The following LRRC40 variants were observed in gnomAD, a reference collection of about 807,000 sequenced individuals.
LRRC40 encodes the protein leucine-rich repeat-containing protein 40.
Under a neutral mutation model 72.8 loss-of-function variants are expected in LRRC40, and 76 were observed. That is an observed-to-expected ratio of 1.04 (90% CI 0.87 to 1.26). The LOEUF is 1.26. LRRC40 is among the 50% of genes most tolerant of loss of function. The probability of loss-of-function intolerance (pLI) is 0.00; values close to 1 mark genes in which losing one functional copy is unlikely to be tolerated. For missense variants in LRRC40, 684 were observed against 698.9 expected (o/e 0.98, Z 0.24); for synonymous variants, 243 against 254.2 (o/e 0.96, Z 0.42).
chr1:70,161,896 G>A (rs1454932574), intron 9 of LRRC40, among the ~76,000 whole-genome samples: 1 of 152,036 alleles, frequency 6.6e-6, no homozygotes, highest in African/African-American at 2.4e-5. Context: ...CGATCTAGTG[G>A]ACAAAATAAA....
intron 1 of LRRC40, among the ~76,000 whole-genome samples, chr1:70,195,670 C>G (rs1181651478): frequency 6.6e-6 from 1 of 152,122 alleles, no homozygotes; most frequent in Non-Finnish European, 1.5e-5. Context: ...GTCTCACTTT[C>G]TCACCCAAGC....
At chr1:70,148,196 AT>A (rs1432785618) in intron 14 of LRRC40, among the ~76,000 whole-genome samples, 2 of 151,782 alleles carry the variant, frequency 1.3e-5, no homozygotes, top group Admixed American at 1.3e-4. Context: ...TTTCCCCGAC[AT>A]TTTTATGCAG....
At chr1:70,203,119 T>C (rs1311180245) in intron 1 of LRRC40, among the ~76,000 whole-genome samples, 1 of 152,208 alleles carries the variant, frequency 6.6e-6, no homozygotes, top group African/African-American at 2.4e-5. Context: ...CTTGAATTTC[T>C]GGCCTCAAAG....
chr1:70,187,127 AAAACTT>A (rs1382211738), intron 3 of LRRC40, 132 bp downstream of exon 3: 8 of 508,342 alleles, frequency 1.6e-5, no homozygotes, highest in Non-Finnish European at 2.8e-5. Flanking sequence ...AAAGCTTTAA[AAAACTT>A]AAAATTCTTA....
intron 14 of LRRC40, among the ~76,000 whole-genome samples, chr1:70,146,640 A>C (rs2100216096): frequency 6.6e-6 from 1 of 152,306 alleles, no homozygotes; most frequent in East Asian, 1.9e-4. Flanking sequence ...GTGACTGTAT[A>C]CTAAATGGTC....
chr1:70,150,035 C>T (rs1667432682), intron 13 of LRRC40, among the ~76,000 whole-genome samples: 1 of 152,092 alleles, frequency 6.6e-6, no homozygotes, highest in Admixed American at 6.5e-5. Flanking sequence ...GATTCTCCTG[C>T]CTCAGCCTCC....
At chr1:70,204,409 A>C (rs746139678) in intron 1 of LRRC40, among the ~76,000 whole-genome samples, 1 of 152,236 alleles carries the variant, frequency 6.6e-6, no homozygotes, top group Non-Finnish European at 1.5e-5. Context: ...TGTTAGCATG[A>C]TAGGTATGCA....
chr1:70,187,582 T>C (rs1404319014), intron 2 of LRRC40, among the ~76,000 whole-genome samples: 1 of 151,308 alleles, frequency 6.6e-6, no homozygotes, highest in Non-Finnish European at 1.5e-5. Flanking sequence ...CCCAGCACTT[T>C]GGGAGGCCGA....
At chr1:70,165,840 A>C (rs1667869019) in intron 9 of LRRC40, among the ~76,000 whole-genome samples, 1 of 152,114 alleles carries the variant, frequency 6.6e-6, no homozygotes, top group Non-Finnish European at 1.5e-5. Context: ...CTGGGCACGT[A>C]GTTTTTAAAA....
At chr1:70,183,010 A>G (rs886222513) in intron 4 of LRRC40, among the ~76,000 whole-genome samples, 1 of 152,178 alleles carries the variant, frequency 6.6e-6, no homozygotes, top group Non-Finnish European at 1.5e-5. Context: ...ACCAATTTTT[A>G]TAAGAAAATC....
chr1:70,165,228 T>C (rs1271649027), intron 9 of LRRC40, among the ~76,000 whole-genome samples: 29 of 152,234 alleles, frequency 1.9e-4, no homozygotes, highest in Admixed American at 1.8e-3. Flanking sequence ...GACTTGTATA[T>C]GTACTCTTCC....
chr1:70,150,283 T>C (rs920062532), intron 13 of LRRC40, among the ~76,000 whole-genome samples: 1 of 152,196 alleles, frequency 6.6e-6, no homozygotes, highest in Non-Finnish European at 1.5e-5. Flanking sequence ...CAATGTGACA[T>C]AGTTGTTAAG....
chr1:70,166,663 A>AT (rs1485197542), intron 9 of LRRC40, among the ~76,000 whole-genome samples: 2 of 148,202 alleles, frequency 1.3e-5, no homozygotes, highest in Admixed American at 6.7e-5. Flanking sequence ...CTTCTAAATA[A>AT]AAAAAAAAAA....
At chr1:70,200,038 C>T (rs1668702194) in intron 1 of LRRC40, among the ~76,000 whole-genome samples, 1 of 152,070 alleles carries the variant, frequency 6.6e-6, no homozygotes, top group Admixed American at 6.5e-5. Context: ...CTCTCACTGC[C>T]CTTGTACGGC....
intron 3 of LRRC40, among the ~76,000 whole-genome samples, chr1:70,186,341 T>C (rs1011124753): frequency 3.3e-4 from 50 of 152,328 alleles, no homozygotes; most frequent in African/African-American, 1.0e-3. Flanking sequence ...ACTCTTGTCT[T>C]TACAGGCCAC....
At chr1:70,149,954 T>A (rs1667428907) in intron 13 of LRRC40, among the ~76,000 whole-genome samples, 1 of 152,182 alleles carries the variant, frequency 6.6e-6, no homozygotes. Flanking sequence ...AGAGTCTTGC[T>A]CTGTCGCCTA....
In LRRC40 at chr1:70,154,126, T is replaced by C. The variant is rs75746953; in HGVS notation, c.1328+1563A>G. ...TATTCCTTTATTTATTCCAAAATTT[T>C]ATGAATATGTATTATTTTTATAATC... On this transcript the variant is annotated intron_variant, in intron 11 of 14. Transcript: ENST00000370952. Among the ~76,000 whole-genome samples the C allele has an allele frequency of 1.6e-4, 24 of 152,302 alleles. No homozygotes were observed. In the East Asian group the frequency reaches 4.2e-3, roughly 27 times the overall value.
In LRRC40 at chr1:70,161,636, C is replaced by T. The variant is rs184582121; in HGVS notation, c.1112-2198G>A. Among the ~76,000 whole-genome samples the T allele has an allele frequency of 2.5e-3, 373 of 151,950 alleles. 2 individuals carry two copies. The highest frequency in any genetic ancestry group is 0.013 in the Admixed American group (194 of 15,278). On this transcript the variant is annotated intron_variant, in intron 9 of 14. Coordinates refer to ENST00000370952, the MANE Select transcript of LRRC40 (RefSeq NM_017768.5). ...GGGCATGATGGGTGATTTAGTTGAACGAGTGTCACCTAGAACGAAGTCTTC... is the reference window on the plus strand; with the variant it reads ...GGGCATGATGGGTGATTTAGTTGAATGAGTGTCACCTAGAACGAAGTCTTC...
At chr1:70,158,534 C>T (rs1388755473) in intron 10 of LRRC40, among the ~76,000 whole-genome samples, 2 of 152,150 alleles carry the variant, frequency 1.3e-5, no homozygotes, top group African/African-American at 4.8e-5. Flanking sequence ...TTACAACTAC[C>T]TTCAATCTCT....
Sources: allele counts gnomAD v4.1 joint callset (sites outside exome capture counted in the v4.1 genomes callset), GRCh38; gene constraint gnomAD v4.1.1; transcripts MANE v1.5; gene names NCBI Gene and HGNC (gene_info 2026-07-23, HGNC 2026-07-21).